Variants in ZEB1 observed in about 807,000 individuals in gnomAD.
ZEB1 encodes zinc finger E-box binding homeobox 1.
A neutral mutation model predicts 84.9 loss-of-function variants in ZEB1; 21 were observed. That is an observed-to-expected ratio of 0.25 (90% CI 0.18 to 0.36). The LOEUF is 0.36. Among genes scored for constraint, ZEB1 ranks in the 10% least tolerant of loss-of-function variants. ZEB1 has a pLI of 1.00. For missense variants in ZEB1, 1,104 were observed against 1,330.2 expected, an observed-to-expected ratio of 0.83 and a Z score of 2.65; for synonymous variants, 420 against 471.1, an observed-to-expected ratio of 0.89 and a Z score of 1.41.
intron 1 of ZEB1, among the ~76,000 whole-genome samples, chr10:31,424,574 T>A (rs963549338): frequency 1.3e-5 from 2 of 152,002 alleles, no homozygotes; most frequent in Non-Finnish European, 2.9e-5. Flanking sequence ...CTACCTTCTT[T>A]GTTTCATTTC....
At chr10:31,503,397 ATT>A (rs2068444063) in intron 4 of ZEB1, among the ~76,000 whole-genome samples, 1 of 152,104 alleles carries the variant, frequency 6.6e-6, no homozygotes, top group African/African-American at 2.4e-5. Flanking sequence ...TATCAGCGAC[ATT>A]TGTTTACATA....
chr10:31,523,134 T>C (rs1050711040), intron 7 of ZEB1, among the ~76,000 whole-genome samples: 2 of 152,176 alleles, frequency 1.3e-5, no homozygotes, highest in African/African-American at 4.8e-5. Context: ...CTTCAACTTT[T>C]AGAAAATGTG....
intron 5 of ZEB1, 149 bp downstream of exon 5, chr10:31,511,024 T>C: frequency 1.3e-6 from 1 of 795,690 alleles, no homozygotes; most frequent in Admixed American, 2.2e-5. Flanking sequence ...AAATGATTAT[T>C]TATTTGAGTT....
chr10:31,484,028 G>T (rs1174869674), intron 2 of ZEB1, among the ~76,000 whole-genome samples: 1 of 152,014 alleles, frequency 6.6e-6, no homozygotes, highest in East Asian at 1.9e-4. Flanking sequence ...GCTTCTAGAG[G>T]GTACCTGCAT....
intron 1 of ZEB1, among the ~76,000 whole-genome samples, chr10:31,393,401 G>T (rs893133779): frequency 2.0e-5 from 3 of 151,920 alleles, no homozygotes; most frequent in African/African-American, 7.3e-5. Flanking sequence ...TTTTCCATGG[G>T]TATTTCTAAC....
Position 31,446,331 on chromosome 10 carries a change from C to T in ZEB1, c.59-14706C>T, listed in dbSNP as rs555247574. Among the ~76,000 whole-genome samples the T allele has an allele frequency of 2.0e-5, 3 of 152,210 alleles. No individual in the cohort carries two copies. The South Asian group carries it at 6.2e-4, about 32-fold the overall frequency. On this transcript the variant is annotated intron_variant, in intron 1 of 8. Transcript: ENST00000424869. ...TTTTTTTATTAGTCTTGCTAGTGGT[C>T]TATCAATTTTGTTGATCCTTTCAAA...
chr10:31,434,786 G>A (rs1037397666), intron 1 of ZEB1, among the ~76,000 whole-genome samples: 1 of 152,164 alleles, frequency 6.6e-6, no homozygotes, highest in East Asian at 1.9e-4. Context: ...AAGAACAAGA[G>A]TCAGGAAAGG....
chr10:31,453,281 G>A (rs988621309), intron 1 of ZEB1, among the ~76,000 whole-genome samples: 17 of 151,798 alleles, frequency 1.1e-4, no homozygotes, highest in African/African-American at 1.7e-4. Context: ...AGTTATCGTC[G>A]GACAAGAATT....
At chr10:31,452,742 TGAGAGA>T (rs35403055) in intron 1 of ZEB1, among the ~76,000 whole-genome samples, 1,785 of 90,462 alleles carry the variant, frequency 0.02, 16 homozygotes, top group African/African-American at 0.03. Context: ...TGTGTGTGTG[TGAGAGA>T]GAGAGAGAGA....
intron 1 of ZEB1, among the ~76,000 whole-genome samples, chr10:31,345,408 A>G (rs920181994): frequency 6.6e-6 from 1 of 152,182 alleles, no homozygotes; most frequent in African/African-American, 2.4e-5. Context: ...TAAACTGGTA[A>G]CTAAAATTCA....
intron 2 of ZEB1, among the ~76,000 whole-genome samples, chr10:31,465,658 GGGT>G (rs2062329717): frequency 1.3e-5 from 2 of 152,058 alleles, no homozygotes; most frequent in Admixed American, 6.5e-5. Context: ...TGTGTCACCA[GGGT>G]AGAGTGCAGT....
intron 1 of ZEB1, among the ~76,000 whole-genome samples, chr10:31,387,487 A>T (rs1018661319): frequency 6.6e-6 from 1 of 152,064 alleles, no homozygotes; most frequent in Non-Finnish European, 1.5e-5. Flanking sequence ...GTTTTACTTT[A>T]AAAAAAATCC....
chr10:31,382,878 A>G (rs1432716349), intron 1 of ZEB1, among the ~76,000 whole-genome samples: 1 of 152,134 alleles, frequency 6.6e-6, no homozygotes, highest in Non-Finnish European at 1.5e-5. Flanking sequence ...GATTAAGAAT[A>G]TGAAAGTAAA....
intron 2 of ZEB1, among the ~76,000 whole-genome samples, chr10:31,483,228 C>T (rs977623678): frequency 6.6e-6 from 1 of 151,898 alleles, no homozygotes; most frequent in African/African-American, 2.4e-5. Flanking sequence ...CTGTACAGAC[C>T]TAATGCTAAT....
At chr10:31,456,838 C>G (rs1293971109) in intron 1 of ZEB1, among the ~76,000 whole-genome samples, 3 of 152,122 alleles carry the variant, frequency 2.0e-5, no homozygotes, top group Admixed American at 1.3e-4. Flanking sequence ...AGACACTGAT[C>G]TAAGCACAAT....
At chr10:31,524,141 G>T (rs1286386752) in intron 8 of ZEB1, 28 bp downstream of exon 8, 6 of 1,604,286 alleles carry the variant, frequency 3.7e-6, no homozygotes, top group Non-Finnish European at 8.5e-7. Context: ...AACATAAAGT[G>T]TCCATGATAT....
At chr10:31,322,599 G>A (rs2034416185) in intron 1 of ZEB1, among the ~76,000 whole-genome samples, 1 of 152,132 alleles carries the variant, frequency 6.6e-6, no homozygotes, top group Admixed American at 6.5e-5. Context: ...ACCTTGTGTG[G>A]TAACTTAATG....
chr10:31,360,016 T>TTAATTCTGATAGCTAC (rs2042744694), intron 1 of ZEB1, among the ~76,000 whole-genome samples: 1 of 152,196 alleles, frequency 6.6e-6, no homozygotes, highest in South Asian at 2.1e-4. Flanking sequence ...AAGCTTGATA[T>TTAATTCTGATAGCTAC]TAATTCTGAT....
intron 1 of ZEB1, among the ~76,000 whole-genome samples, chr10:31,456,320 T>C (rs1264678110): frequency 6.6e-6 from 1 of 152,036 alleles, no homozygotes; most frequent in East Asian, 1.9e-4. Context: ...GATGGGTTGA[T>C]GGAGCAGCAC....
Sources: allele counts gnomAD v4.1 joint callset (sites outside exome capture counted in the v4.1 genomes callset), GRCh38; gene constraint gnomAD v4.1.1; transcripts MANE v1.5; gene names NCBI Gene and HGNC (gene_info 2026-07-23, HGNC 2026-07-21).